The following TGFBI variants were observed in gnomAD, a reference collection of about 807,000 sequenced individuals.
TGFBI encodes transforming growth factor-beta-induced protein ig-h3.
TGFBI carries 50 observed loss-of-function variants against 73.7 expected under a neutral mutation model. The observed-to-expected ratio is 0.68, with a 90% CI of 0.54 to 0.86. The LOEUF (loss-of-function observed/expected upper bound fraction) is 0.86. Ranked by LOEUF, TGFBI falls within the 40% of genes least tolerant of loss-of-function variation. TGFBI has a pLI of 0.00. For synonymous variants in TGFBI, 362 were observed against 360.5 expected (o/e 1.00, Z -0.05); for missense variants, 839 against 877.0 (o/e 0.96, Z 0.55).
rs1580705438 is a variant in TGFBI, at chr5:136,029,152, G to C, written c.97G>C (p.Val33Leu). 1 of 1,523,628 alleles carries C rather than the reference G, an allele frequency of 6.6e-7. No individual in the cohort carries two copies. Among genetic ancestry groups the C allele is most frequent in the East Asian group, 2.5e-5 (1 of 39,564 alleles). The allele number at this position is 1,523,628 out of a possible 1,614,324, so 94.4% of individuals were successfully genotyped here. ...AGPAKSPYQL[V>L]LQHSRLRGRQ... is the part of the protein sequence containing the mutation. ...TCCCGCCAAGTCGCCCTACCAGCTG[G>C]TGCTGCAGCACAGCAGGCTCCGGGG... Residue 33 changes from valine to leucine, a missense_variant, in exon 1 of 17, where the codon GTG becomes CTG. Coordinates refer to ENST00000442011, the MANE Select transcript of TGFBI (RefSeq NM_000358.3).
At chr5:136,030,767 A>G (rs905196169) in intron 1 of TGFBI, among the ~76,000 whole-genome samples, 1 of 152,122 alleles carries the variant, frequency 6.6e-6, no homozygotes, top group Non-Finnish European at 1.5e-5. Flanking sequence ...CAATTTGCCT[A>G]GGAGGGTTCT....
At chr5:136,061,217 C>G (rs1328666324) in intron 14 of TGFBI, 1 of 573,250 alleles carries the variant, frequency 1.7e-6, no homozygotes, top group East Asian at 2.9e-5. Context: ...ATGCTGTCCG[C>G]GCGATTCCCA....
chr5:136,038,541 T>C (rs1294514910), intron 2 of TGFBI, among the ~76,000 whole-genome samples: 1 of 149,852 alleles, frequency 6.7e-6, no homozygotes, highest in African/African-American at 2.5e-5. Context: ...ATGGTGAAAC[T>C]CCCCCTCTAG....
chr5:136,062,876 G>A (rs1751775430), intron 16 of TGFBI, among the ~76,000 whole-genome samples, 189 bp downstream of exon 16: 1 of 152,372 alleles, frequency 6.6e-6, no homozygotes, highest in South Asian at 2.1e-4. Flanking sequence ...TTCTCTGTAA[G>A]ATGAGGATAA....
chr5:136,044,662 A>G (rs1751395051), intron 3 of TGFBI: 1 of 153,236 alleles, frequency 6.5e-6, no homozygotes, highest in Non-Finnish European at 1.5e-5. Flanking sequence ...GAGTCCCACA[A>G]ATGGTTGCAC....
At position 136,046,434 on chromosome 5, in the gene TGFBI, A is replaced by T; in HGVS notation, c.398A>T (p.Glu133Val). 1 of 1,613,634 alleles carries T rather than the reference A, an allele frequency of 6.2e-7. No homozygotes were observed. Among genetic ancestry groups the T allele is most frequent in the Non-Finnish European group, 8.5e-7 (1 of 1,179,668 alleles). Residue 133 changes from glutamate (E) to valine (V), a missense_variant, in exon 4 of 17, where the codon GAG (glutamate) becomes GTG (valine). Transcript: ENST00000442011. The stretch of plus-strand genomic sequence containing the variant: ...ACGGAGAAGCTGAGGCCTGAGATGG[A>T]GGGGCCCGGCAGCTTCACCATCTTC... The part of the protein sequence containing the change: ...DRTEKLRPEM[E>V]GPGSFTIFAP...
chr5:136,039,183 A>C (rs1751285976), intron 2 of TGFBI, among the ~76,000 whole-genome samples: 1 of 152,246 alleles, frequency 6.6e-6, no homozygotes, highest in South Asian at 2.1e-4. Flanking sequence ...AGTAAACAGT[A>C]AGCATCTGTT....
At chr5:136,045,638 G>A (rs1751414574) in intron 3 of TGFBI, 2 of 152,212 alleles carry the variant, frequency 1.3e-5, no homozygotes, top group Admixed American at 1.3e-4. Context: ...CCTAGAGTAT[G>A]TGATGGGAGA....
In TGFBI at chr5:136,054,074, T is replaced by C; in HGVS notation, c.1258T>C (p.Phe420Leu). 1 of 1,612,808 alleles carries C rather than the reference T, an allele frequency of 6.2e-7. No homozygotes were observed. Among genetic ancestry groups the C allele is most frequent in the Non-Finnish European group, 8.5e-7 (1 of 1,178,904 alleles). ...CCTCCTGGCTCCCCTGAATTCTGTATTCAAAGGTAACATGGGGAAGGCATC... is the reference window on the plus strand; with the variant it reads ...CCTCCTGGCTCCCCTGAATTCTGTACTCAAAGGTAACATGGGGAAGGCATC... Reference protein sequence around the residue: ...LTLLAPLNSVFKDGTPPIDAH... With the variant: ...LTLLAPLNSVLKDGTPPIDAH... Residue 420 changes from phenylalanine (F) to leucine (L), a missense_variant, in exon 9 of 17, where the codon TTC becomes CTC. By Grantham distance (22) the Phe-to-Leu change is conservative. Coordinates refer to ENST00000442011, the MANE Select transcript of TGFBI (RefSeq NM_000358.3).
Position 136,047,285 on chromosome 5 carries a change from G to A in TGFBI, c.636G>A (p.Val212=). ...GCTTCTCTGGGCAGATTGTAACTGT[G>A]AACTGTGCCCGGCTGCTGAAAGCCG... The part of the protein sequence containing the change: ...IHHYPNGIVT[V]NCARLLKADH... Residue 212 remains valine, a synonymous_variant, in exon 6 of 17, where the codon GTG becomes GTA. Transcript: ENST00000442011. The A allele has an allele frequency of 6.2e-7, 1 of 1,613,808 alleles. No individual in the cohort carries two copies. The highest frequency in any genetic ancestry group is 8.5e-7 in the Non-Finnish European group (1 of 1,179,846).
intron 11 of TGFBI, 136 bp downstream of exon 11, chr5:136,055,952 C>G (rs1400469451): frequency 1.1e-6 from 1 of 920,890 alleles, no homozygotes; most frequent in Non-Finnish European, 1.5e-6. Flanking sequence ...CTGCGACCTT[C>G]CAGACTTGGG....
chr5:136,043,909 A>G, intron 2 of TGFBI, 149 bp from the exon 3 acceptor site: 1 of 666,486 alleles, frequency 1.5e-6, no homozygotes, highest in Non-Finnish European at 2.7e-6. Context: ...AGGCAGACCT[A>G]TGACTTAGCA....
chr5:136,036,102 T>C (rs189468415), intron 2 of TGFBI, among the ~76,000 whole-genome samples: 1 of 152,224 alleles, frequency 6.6e-6, no homozygotes, highest in Non-Finnish European at 1.5e-5. Flanking sequence ...ATGTTCCTGA[T>C]GAGCAGGTCA....
intron 12 of TGFBI, among the ~76,000 whole-genome samples, chr5:136,057,737 G>A (rs1751673011): frequency 6.6e-6 from 1 of 152,184 alleles, no homozygotes; most frequent in Non-Finnish European, 1.5e-5. Flanking sequence ...CTGCTCTAGA[G>A]CAGAATAGAA....
chr5:136,044,609 G>A (rs1170765876), intron 3 of TGFBI, among the ~76,000 whole-genome samples: 3 of 152,260 alleles, frequency 2.0e-5, no homozygotes, highest in African/African-American at 7.2e-5. Context: ...GTTCGGTAGG[G>A]AGAAGAGCCA....
At position 136,058,445 on chromosome 5, in the gene TGFBI, G is replaced by T. The variant is rs546508543; in HGVS notation, c.1679-645G>T. Among the ~76,000 whole-genome samples, 18 of 152,208 alleles carry T rather than the reference G, an allele frequency of 1.2e-4. No homozygotes were observed. In the East Asian group the frequency reaches 3.5e-3, roughly 29 times the overall value. On this transcript the variant is annotated intron_variant, in intron 12 of 16. Transcript: ENST00000442011. Reference sequence around the variant, plus strand: ...CACCTTTATGGGCAACCAGATGCCTGCCCCAGTTGCTGGAGACACTGATGT... The same window carrying T: ...CACCTTTATGGGCAACCAGATGCCTTCCCCAGTTGCTGGAGACACTGATGT...
At chr5:136,053,559 A>G (rs990306475) in intron 8 of TGFBI, among the ~76,000 whole-genome samples, 2 of 152,264 alleles carry the variant, frequency 1.3e-5, no homozygotes, top group Non-Finnish European at 2.9e-5. Context: ...AGATCTGTCC[A>G]TGAGTGAAGG....
intron 12 of TGFBI, among the ~76,000 whole-genome samples, chr5:136,057,998 C>T (rs1751680326): frequency 6.6e-6 from 1 of 151,924 alleles, no homozygotes; most frequent in Admixed American, 6.6e-5. Flanking sequence ...GAAAAGCTTC[C>T]CAAACACACC....
intron 12 of TGFBI, among the ~76,000 whole-genome samples, chr5:136,058,497 CGAG>C (rs938313428): frequency 3.3e-5 from 5 of 152,282 alleles, no homozygotes; most frequent in African/African-American, 1.2e-4. Context: ...TGAGACGTGA[CGAG>C]GAGAGATGCT....
Sources: gnomAD v4.1 joint callset for allele counts (sites outside exome capture counted in the v4.1 genomes callset) on GRCh38, gnomAD v4.1.1 for gene constraint, MANE v1.5 for transcripts, NCBI Gene and HGNC (gene_info 2026-07-23, HGNC 2026-07-21) for gene names.